Variants in SEC24A observed in about 807,000 individuals in gnomAD.
SEC24A encodes protein transport protein Sec24A.
SEC24A carries 93 observed loss-of-function variants against 129.4 expected under a neutral mutation model. That is an observed-to-expected ratio of 0.72 (90% CI 0.61 to 0.85). SEC24A has a LOEUF of 0.85. SEC24A is among the 40% of genes least tolerant of loss of function. The pLI is 0.00. For missense variants in SEC24A, 1,264 were observed against 1,307.4 expected (o/e 0.97, Z 0.51); for synonymous variants, 460 against 467.3 (o/e 0.98, Z 0.20).
intron 1 of SEC24A, among the ~76,000 whole-genome samples, chr5:134,656,164 C>T (rs1170630124): frequency 6.6e-6 from 1 of 150,460 alleles, no homozygotes; most frequent in African/African-American, 2.4e-5. Flanking sequence ...CTCACTGCAA[C>T]CTTTGCCTCC....
At chr5:134,674,810 C>T (rs778885526) in intron 5 of SEC24A, 35 bp downstream of exon 5, 8 of 1,595,520 alleles carry the variant, frequency 5.0e-6, no homozygotes, top group South Asian at 1.1e-5. Context: ...ACCTATTTCT[C>T]CATTTGGTTT....
chr5:134,651,419 C>T (rs781227334), intron 1 of SEC24A, among the ~76,000 whole-genome samples: 6 of 150,654 alleles, frequency 4.0e-5, no homozygotes, highest in Non-Finnish European at 5.9e-5. Context: ...CTCAGCCTCC[C>T]GAGTAGCTGG....
At chr5:134,722,177 T>G (rs1253454678) in intron 21 of SEC24A, among the ~76,000 whole-genome samples, 5 of 152,086 alleles carry the variant, frequency 3.3e-5, no homozygotes, top group Non-Finnish European at 7.4e-5. Context: ...ATGTATTGTT[T>G]ATGGCTACTT....
Position 134,697,244 on chromosome 5 carries a change from T to C in SEC24A, c.2105T>C (p.Leu702Pro). ...GGACAGTATTCTGATTTGGCTTCTC[T>C]GGGTAAGTTCTTCGTAATGATTTTT... Reference protein sequence around the residue: ...LSGQYSDLASLGCISRYSAGS... With the variant: ...LSGQYSDLASPGCISRYSAGS... Residue 702 changes from leucine (L) to proline (P), a missense_variant and splice_region_variant, in exon 14 of 23, where the codon CTG becomes CCG. Leu to Pro is a moderately conservative substitution (Grantham distance 98, BLOSUM62 -3). Coordinates refer to ENST00000398844, the MANE Select transcript of SEC24A (RefSeq NM_021982.3). 2 of 1,592,148 alleles carry C rather than the reference T, an allele frequency of 1.3e-6. No homozygotes were observed. The highest frequency in any genetic ancestry group is 1.7e-6 in the Non-Finnish European group (2 of 1,165,792).
chr5:134,704,914 T>G (rs1308279420), intron 16 of SEC24A, among the ~76,000 whole-genome samples: 1 of 151,262 alleles, frequency 6.6e-6, no homozygotes, highest in Non-Finnish European at 1.5e-5. Flanking sequence ...TGGCCTCAGG[T>G]AATCCTCCCA....
chr5:134,689,221 T>G (rs1043282714), intron 11 of SEC24A, among the ~76,000 whole-genome samples: 9 of 152,228 alleles, frequency 5.9e-5, no homozygotes, highest in Admixed American at 3.9e-4. Context: ...GGTGCACTGC[T>G]GGTCAGAATG....
rs1480757706 is a variant in SEC24A, at chr5:134,698,076, T to G, written c.2266+19T>G. ...ACCAAAGGTAGGAATATTTTTTTTT[T>G]GCGTAGGACTGAATAATATTTTTGG... On this transcript the variant is annotated intron_variant, in intron 15 of 22. Transcript: ENST00000398844. The G allele has an allele frequency of 3.8e-6, 6 of 1,592,468 alleles. No homozygotes were observed. In the African/African-American group the frequency reaches 6.8e-5, roughly 18 times the overall value.
At chr5:134,672,080 C>T (rs907949263) in intron 4 of SEC24A, among the ~76,000 whole-genome samples, 194 bp downstream of exon 4, 1 of 152,058 alleles carries the variant, frequency 6.6e-6, no homozygotes, top group Non-Finnish European at 1.5e-5. Context: ...TGCAGTGGTG[C>T]GATCATGGCT....
At chr5:134,691,526 T>C (rs374614566) in intron 11 of SEC24A, among the ~76,000 whole-genome samples, 242 of 125,638 alleles carry the variant, frequency 1.9e-3, no homozygotes, top group African/African-American at 6.9e-3. Context: ...TTGAGACGAG[T>C]CTTGATTGAT....
Position 134,674,641 on chromosome 5 carries a change from C to A in SEC24A, c.844C>A (p.Pro282Thr), listed in dbSNP as rs1033534378. ...AACACCACAGCTTACTAACAAGAAT[C>A]CCAAAATGAGCCGAAGTGTTGGATA... Reference protein sequence around the residue: ...LATPQLTNKNPKMSRSVGYSY... With the variant: ...LATPQLTNKNTKMSRSVGYSY... The change falls in exon 5 of 23, where the codon CCC (proline) becomes ACC (threonine). Residue 282 changes from proline to threonine, a missense_variant. Coordinates refer to ENST00000398844, the MANE Select transcript of SEC24A (RefSeq NM_021982.3). 1.2e-6 allele frequency: 2 copies of A among 1,613,552 alleles called. No individual in the cohort carries two copies. Among genetic ancestry groups the A allele is most frequent in the Non-Finnish European group, 1.7e-6 (2 of 1,179,732 alleles).
chr5:134,670,216 C>T (rs184232787), intron 3 of SEC24A, among the ~76,000 whole-genome samples: 7 of 152,330 alleles, frequency 4.6e-5, no homozygotes, highest in Non-Finnish European at 7.3e-5. Context: ...TAAGCGTCCA[C>T]GCCTTGCCTA....
rs1751848158 is a variant in SEC24A, at chr5:134,697,069, A to AT, written c.1987-53dup. On this transcript the variant is annotated intron_variant, in intron 13 of 22. Transcript: ENST00000398844. ...ATGATGTATGTAGATGTGTATTTAG[A>AT]TTTTATGACAATGTAATGATTTTTT... The AT allele has an allele frequency of 4.7e-6, 5 of 1,059,682 alleles. No individual in the cohort carries two copies. In the South Asian group the frequency reaches 8.9e-5, roughly 19 times the overall value. 65.6% of individuals were successfully genotyped at this position (1,059,682 alleles called of 1,614,324 possible).
In SEC24A at chr5:134,692,662, G is replaced by A; in HGVS notation, c.1779+5G>A. The stretch of plus-strand genomic sequence containing the variant: ...AACTTAAATGAAAGTAAAGAGGTAA[G>A]GCACATTTTCCTACCTGACATGTTT... On this transcript the variant is annotated splice_donor_5th_base_variant and intron_variant, in intron 12 of 22. Coordinates refer to ENST00000398844, the MANE Select transcript of SEC24A (RefSeq NM_021982.3). 1 of 1,422,724 alleles carries A rather than the reference G, an allele frequency of 7.0e-7. No individual in the cohort carries two copies. Among genetic ancestry groups the A allele is most frequent in the Non-Finnish European group, 9.9e-7 (1 of 1,009,358 alleles). The allele number at this position is 1,422,724 out of a possible 1,614,324, so 88.1% of individuals were successfully genotyped here. A position where few individuals can be genotyped will look rare whatever the true frequency, so the allele number is the denominator to read the frequency against.
Position 134,679,605 on chromosome 5 carries a change from T to C in SEC24A, c.1258T>C (p.Leu420=). The C allele has an allele frequency of 1.3e-6, 2 of 1,542,662 alleles. No homozygotes were observed. Among genetic ancestry groups the C allele is most frequent in the Non-Finnish European group, 8.8e-7 (1 of 1,138,082 alleles). ...AATTCTGTTTTTTTTTTTCCAGCAA[T>C]TGCCTGTGGTTACCTCCAGTACAAT... ...LLHPFKDLVQ[L]PVVTSSTIVR... The change falls in exon 8 of 23, where the codon TTG becomes CTG. Residue 420 remains leucine, a synonymous_variant. Transcript: ENST00000398844.
intron 9 of SEC24A, among the ~76,000 whole-genome samples, chr5:134,685,189 G>C (rs531977934): frequency 1.3e-5 from 2 of 152,180 alleles, no homozygotes; most frequent in South Asian, 4.1e-4. Context: ...GGGCAATGTA[G>C]CGAGACCCAA....
At chr5:134,699,078 A>G (rs1751920907) in intron 15 of SEC24A, among the ~76,000 whole-genome samples, 1 of 151,720 alleles carries the variant, frequency 6.6e-6, no homozygotes. Flanking sequence ...GGTGTGAGCC[A>G]CCACACCTGG....
At chr5:134,658,543 C>T (rs555570168) in intron 1 of SEC24A, among the ~76,000 whole-genome samples, 1 of 152,232 alleles carries the variant, frequency 6.6e-6, no homozygotes, top group South Asian at 2.1e-4. Flanking sequence ...GATCTACAGG[C>T]ATGTGCCACA....
At chr5:134,657,758 G>A (rs1351473820) in intron 1 of SEC24A, among the ~76,000 whole-genome samples, 1 of 151,882 alleles carries the variant, frequency 6.6e-6, no homozygotes, top group Non-Finnish European at 1.5e-5. Context: ...TTATTTTTTT[G>A]TAGAGACGAG....
At position 134,648,850 on chromosome 5, in the gene SEC24A, G is replaced by C. The variant is rs1477029324; in HGVS notation, c.-227G>C. The C allele has an allele frequency of 7.8e-6, 3 of 386,560 alleles. No homozygotes were observed. Among genetic ancestry groups the C allele is most frequent in the Non-Finnish European group, 9.5e-6 (2 of 210,280 alleles). The allele number at this position is 386,560 out of a possible 1,614,324, so 23.9% of individuals were successfully genotyped here. ...TGCCGCCTTCTAGCCGGGCGTTCGC[G>C]GCCCCGCCGGCCCGACTCTCAAGCC... is the stretch of plus-strand genomic sequence containing the variant. On this transcript the variant is annotated 5_prime_UTR_variant, in exon 1 of 23. Transcript: ENST00000398844.
Sources: allele counts gnomAD v4.1 joint callset (sites outside exome capture counted in the v4.1 genomes callset), GRCh38; gene constraint gnomAD v4.1.1; transcripts MANE v1.5; gene names NCBI Gene and HGNC (gene_info 2026-07-23, HGNC 2026-07-21).